Variants in EBF1 observed in about 807,000 individuals in gnomAD.
The protein encoded by EBF1 is EBF transcription factor 1.
Under a neutral mutation model 68.4 loss-of-function variants are expected in EBF1, and 10 were observed. The ratio of observed to expected loss-of-function variants is 0.15; its 90% CI spans 0.09 to 0.25. The LOEUF (loss-of-function observed/expected upper bound fraction) is 0.25. Among genes scored for constraint, EBF1 ranks in the 10% least tolerant of loss-of-function variants. EBF1 has a pLI of 1.00. For synonymous variants in EBF1, 298 were observed against 299.8 expected (o/e 0.99, Z 0.06); for missense variants, 509 against 794.4 (o/e 0.64, Z 4.32).
rs894962881 is a variant in EBF1 at position 158,697,918 on chromosome 5, G to A, written c.*1193C>T. 9.6e-5 allele frequency: 20 copies of A among 209,114 alleles called. No individual in the cohort carries two copies. Among genetic ancestry groups the A allele is most frequent in the African/African-American group, 4.6e-4 (20 of 43,934 alleles). 13.0% of individuals were successfully genotyped at this position (209,114 alleles called of 1,614,324 possible). A position where few individuals can be genotyped will look rare whatever the true frequency, so the allele number is the denominator to read the frequency against. On this transcript the variant is annotated 3_prime_UTR_variant, in exon 16 of 16. Coordinates refer to ENST00000313708, the MANE Select transcript of EBF1 (RefSeq NM_024007.5). ...TGAGAGCAAAAATTCCCATAGAACAGAAAACTATGTTTTGGAGGTCTCAAC... is the reference window on the plus strand; with the variant it reads ...TGAGAGCAAAAATTCCCATAGAACAAAAAACTATGTTTTGGAGGTCTCAAC...
intron 10 of EBF1, among the ~76,000 whole-genome samples, chr5:158,767,541 T>C (rs1182722666): frequency 6.6e-6 from 1 of 151,470 alleles, no homozygotes; most frequent in African/African-American, 2.4e-5. Flanking sequence ...ACCCAGGAAG[T>C]CACTTCACCT....
intron 11 of EBF1, among the ~76,000 whole-genome samples, chr5:158,718,355 A>G (rs1371770330): frequency 6.6e-6 from 1 of 152,140 alleles, no homozygotes; most frequent in Non-Finnish European, 1.5e-5. Context: ...TCCCCAGCCT[A>G]GAAGTAAAAC....
chr5:158,727,087 G>A (rs1382067493), intron 11 of EBF1, among the ~76,000 whole-genome samples: 1 of 152,242 alleles, frequency 6.6e-6, no homozygotes, highest in Non-Finnish European at 1.5e-5. Flanking sequence ...TGTGTACCAA[G>A]TAGGGGATCA....
chr5:158,791,194 C>G lies in EBF1; in HGVS notation c.909+5151G>C, dbSNP rs548621245. ...ATTAGCTGGGTGTGGTGGCACGCAC[C>G]TGTAGTCCCAGCTACTTGGGAGGCT... On this transcript the variant is annotated intron_variant, in intron 9 of 15. Transcript: ENST00000313708. Among the ~76,000 whole-genome samples, 195 of 152,068 alleles carry G rather than the reference C, an allele frequency of 1.3e-3. 3 individuals are homozygous for G. The South Asian group carries it at 0.014, about 11-fold the overall frequency.
intron 10 of EBF1, among the ~76,000 whole-genome samples, chr5:158,770,835 T>A (rs1298921180): frequency 2.6e-5 from 4 of 152,172 alleles, no homozygotes; most frequent in East Asian, 1.9e-4. Flanking sequence ...TATGTGCTGA[T>A]CAAAAGCGCT....
intron 6 of EBF1, among the ~76,000 whole-genome samples, chr5:159,060,047 G>A (rs138988771): frequency 0.014 from 2,138 of 152,158 alleles, 19 homozygotes; most frequent in Non-Finnish European, 0.024. Context: ...AAAATCAACA[G>A]AATTTTTTAA....
At chr5:158,796,295 A>G in intron 9 of EBF1, 50 bp downstream of exon 9, 1 of 1,558,726 alleles carries the variant, frequency 6.4e-7, no homozygotes, top group Non-Finnish European at 8.7e-7. Flanking sequence ...TATAGACAGT[A>G]TCTTCAACTA....
intron 6 of EBF1, among the ~76,000 whole-genome samples, chr5:158,927,812 T>C (rs147525640): frequency 1.6e-4 from 25 of 152,206 alleles, no homozygotes; most frequent in African/African-American, 6.0e-4. Context: ...TTACACAGAT[T>C]CTCTCATTTA....
chr5:158,809,924 G>A (rs931517902), intron 8 of EBF1, among the ~76,000 whole-genome samples: 16 of 152,092 alleles, frequency 1.1e-4, no homozygotes, highest in Non-Finnish European at 1.5e-5. Flanking sequence ...CTAACAAATA[G>A]ACTATTCTAA....
intron 14 of EBF1, among the ~76,000 whole-genome samples, chr5:158,710,503 A>G (rs1263315714): frequency 6.6e-6 from 1 of 152,252 alleles, no homozygotes; most frequent in Non-Finnish European, 1.5e-5. Context: ...ATCTTTTGAT[A>G]AATCAAAATC....
chr5:158,713,569 T>C (rs915410361), intron 12 of EBF1, among the ~76,000 whole-genome samples: 1 of 152,152 alleles, frequency 6.6e-6, no homozygotes, highest in Non-Finnish European at 1.5e-5. Flanking sequence ...ACCTCCCCTA[T>C]TGATGTTAAG....
At chr5:158,865,377 C>T (rs1795697130) in intron 6 of EBF1, among the ~76,000 whole-genome samples, 4 of 152,208 alleles carry the variant, frequency 2.6e-5, no homozygotes, top group Admixed American at 2.6e-4. Context: ...AGTCACTTAA[C>T]CTTTCTAAGC....
chr5:158,868,327 G>C (rs1376059277), intron 6 of EBF1, among the ~76,000 whole-genome samples: 2 of 151,024 alleles, frequency 1.3e-5, no homozygotes, highest in East Asian at 3.9e-4. Flanking sequence ...TAAACATGCT[G>C]CCTAAAAAAA....
intron 11 of EBF1, among the ~76,000 whole-genome samples, chr5:158,718,115 T>G (rs1210774470): frequency 1.3e-5 from 2 of 152,240 alleles, no homozygotes. Context: ...TCAGCTTTAC[T>G]TTCTACTTTG....
Position 158,747,730 on chromosome 5 carries a change from AATGAG to A in EBF1, c.1037-16578_1037-16574del, listed in dbSNP as rs547522591. Among the ~76,000 whole-genome samples, 15 of 152,338 alleles carry A rather than the reference AATGAG, an allele frequency of 9.8e-5. No individual in the cohort carries two copies. The South Asian group carries it at 3.1e-3, about 32-fold the overall frequency. On this transcript the variant is annotated intron_variant, in intron 10 of 15. Coordinates refer to ENST00000313708, the MANE Select transcript of EBF1 (RefSeq NM_024007.5). ...ACTTTACCTACATTCTTGTAATGGA[AATGAG>A]ATAAGAATAGTAGTTCATAGTAATT... is the stretch of plus-strand genomic sequence containing the variant.
intron 6 of EBF1, among the ~76,000 whole-genome samples, chr5:158,998,154 T>C (rs1761821941): frequency 6.6e-6 from 1 of 152,166 alleles, no homozygotes; most frequent in Non-Finnish European, 1.5e-5. Flanking sequence ...TCTATCTTAT[T>C]AAATTTTAAT....
intron 6 of EBF1, among the ~76,000 whole-genome samples, chr5:158,949,643 T>C (rs776624810): frequency 4.6e-5 from 7 of 152,232 alleles, no homozygotes; most frequent in African/African-American, 7.2e-5. Flanking sequence ...AATCTAGACA[T>C]GGCTGGCCAA....
intron 6 of EBF1, among the ~76,000 whole-genome samples, chr5:158,978,953 A>C (rs533911995): frequency 6.6e-6 from 1 of 151,366 alleles, no homozygotes; most frequent in African/African-American, 2.4e-5. Flanking sequence ...TCAAATATGC[A>C]TCCTTTCTTT....
intron 3 of EBF1, 101 bp downstream of exon 3, chr5:159,096,242 A>G (rs73818937): frequency 0.021 from 26,274 of 1,268,424 alleles, 575 homozygotes; most frequent in African/African-American, 0.1. Flanking sequence ...AAAGCGGATG[A>G]CTGACCTTCG....
Sources: allele counts gnomAD v4.1 joint callset (sites outside exome capture counted in the v4.1 genomes callset), GRCh38; gene constraint gnomAD v4.1.1; transcripts MANE v1.5; gene names NCBI Gene and HGNC (gene_info 2026-07-23, HGNC 2026-07-21).